PGAP4: variants seen among roughly 807,000 people sequenced by gnomAD.
PGAP4 encodes post-GPI attachment to proteins GalNAc transferase 4, also known as GPI-N-acetylgalactosamine transferase PGAP4.
In PGAP4, 12 loss-of-function variants were observed where a neutral mutation model predicts 28.2. The ratio of observed to expected loss-of-function variants is 0.42; its 90% CI spans 0.27 to 0.69. PGAP4 has a LOEUF of 0.69. Ranked by LOEUF, PGAP4 falls within the 30% of genes least tolerant of loss-of-function variation. PGAP4 has a pLI of 0.22. For synonymous variants in PGAP4, 205 were observed against 211.8 expected (o/e 0.97, Z 0.28); for missense variants, 425 against 513.5 (o/e 0.83, Z 1.67).
intron 2 of PGAP4, among the ~76,000 whole-genome samples, chr9:101,526,098 A>G (rs1255679738): frequency 1.3e-5 from 2 of 152,252 alleles, no homozygotes; most frequent in Non-Finnish European, 2.9e-5. Flanking sequence ...AATACAAAAC[A>G]AGATGTTCAG....
intron 2 of PGAP4, among the ~76,000 whole-genome samples, chr9:101,527,022 C>A (rs1827040915): frequency 6.6e-6 from 1 of 152,182 alleles, no homozygotes; most frequent in African/African-American, 2.4e-5. Context: ...CTACCATCAT[C>A]CTGCAATAAA....
At chr9:101,480,992 C>T (rs983195234) in intron 1 of PGAP4, among the ~76,000 whole-genome samples, 3 of 152,004 alleles carry the variant, frequency 2.0e-5, no homozygotes, top group African/African-American at 7.3e-5. Context: ...GCCTGGGCAA[C>T]ATGGCAAAAC....
chr9:101,520,929 G>A (rs963055591), intron 2 of PGAP4, among the ~76,000 whole-genome samples: 1 of 152,082 alleles, frequency 6.6e-6, no homozygotes, highest in Non-Finnish European at 1.5e-5. Flanking sequence ...GGTCATAAAG[G>A]GATCCTGGAT....
intron 2 of PGAP4, among the ~76,000 whole-genome samples, chr9:101,498,474 G>A (rs546460942): frequency 6.6e-6 from 1 of 151,122 alleles, no homozygotes; most frequent in East Asian, 1.9e-4. Flanking sequence ...TTGTAAAGCC[G>A]TTAATATGGT....
At chr9:101,516,852 CA>C (rs1335099372) in intron 2 of PGAP4, among the ~76,000 whole-genome samples, 2 of 152,260 alleles carry the variant, frequency 1.3e-5, no homozygotes, top group East Asian at 3.9e-4. Context: ...CACTGGGAGA[CA>C]ATGAGGCAAC....
At chr9:101,504,606 T>C (rs1265108373) in intron 2 of PGAP4, among the ~76,000 whole-genome samples, 1 of 151,962 alleles carries the variant, frequency 6.6e-6, no homozygotes, top group African/African-American at 2.4e-5. Context: ...TCTCTTTGGC[T>C]TTTTTGTCCC....
intron 2 of PGAP4, among the ~76,000 whole-genome samples, chr9:101,528,728 C>T (rs754917346): frequency 8.6e-5 from 13 of 151,182 alleles, no homozygotes; most frequent in Non-Finnish European, 1.9e-4. Context: ...CAAACATAGA[C>T]TGTCACATGG....
intron 1 of PGAP4, among the ~76,000 whole-genome samples, chr9:101,479,480 G>C (rs1007877384): frequency 1.3e-5 from 2 of 152,184 alleles, no homozygotes; most frequent in East Asian, 3.9e-4. Context: ...GATATGTCAG[G>C]GGGGAAAGAA....
At chr9:101,499,751 T>C (rs1826781606) in intron 2 of PGAP4, among the ~76,000 whole-genome samples, 1 of 152,064 alleles carries the variant, frequency 6.6e-6, no homozygotes, top group Non-Finnish European at 1.5e-5. Context: ...TTCCGTGGCT[T>C]TATTTGTTGG....
At chr9:101,490,092 C>A (rs1024753011), upstream of PGAP4, among the ~76,000 whole-genome samples, 1 of 152,104 alleles carries the variant, frequency 6.6e-6, no homozygotes, top group African/African-American at 2.4e-5. Context: ...TTGCACATTC[C>A]CCTTTCTGCC....
chr9:101,482,968 C>T (rs1379099695), intron 1 of PGAP4, among the ~76,000 whole-genome samples: 1 of 152,166 alleles, frequency 6.6e-6, no homozygotes, highest in Non-Finnish European at 1.5e-5. Flanking sequence ...GAATTAATCC[C>T]ATTTAGTTGA....
intron 2 of PGAP4, among the ~76,000 whole-genome samples, chr9:101,503,909 G>C (rs1443526350): frequency 6.6e-6 from 1 of 152,004 alleles, no homozygotes; most frequent in Non-Finnish European, 1.5e-5. Context: ...AAAATTTATA[G>C]GAGGCCATTG....
At chr9:101,505,379 G>T (rs1826841335) in intron 2 of PGAP4, among the ~76,000 whole-genome samples, 1 of 152,016 alleles carries the variant, frequency 6.6e-6, no homozygotes, top group African/African-American at 2.4e-5. Flanking sequence ...GCTTCTAAGA[G>T]ATTACAAGAT....
At chr9:101,523,561 G>GTTTT (rs74477694) in intron 2 of PGAP4, among the ~76,000 whole-genome samples, 31 of 127,290 alleles carry the variant, frequency 2.4e-4, no homozygotes, top group Admixed American at 1.4e-3. Flanking sequence ...ATTTTTCATT[G>GTTTT]TTTTTTTTTC....
chr9:101,504,007 A>G (rs1409124509), intron 2 of PGAP4, among the ~76,000 whole-genome samples: 2 of 151,908 alleles, frequency 1.3e-5, no homozygotes, highest in Admixed American at 6.6e-5. Flanking sequence ...CTGAAACTCA[A>G]AGGAAGGAAG....
chr9:101,507,037 G>A (rs1482594397), intron 2 of PGAP4, among the ~76,000 whole-genome samples: 2 of 152,018 alleles, frequency 1.3e-5, no homozygotes, highest in Non-Finnish European at 2.9e-5. Flanking sequence ...ACCTTCCTTA[G>A]CATTCTAGTT....
At chr9:101,531,752 C>T (rs535301145) in intron 1 of PGAP4, among the ~76,000 whole-genome samples, 60 of 152,252 alleles carry the variant, frequency 3.9e-4, no homozygotes, top group African/African-American at 1.0e-3. Context: ...TGAAAAAAAT[C>T]CTGGTTCTGC....
intron 2 of PGAP4, among the ~76,000 whole-genome samples, chr9:101,526,383 T>C (rs1021965324): frequency 6.6e-6 from 1 of 152,250 alleles, no homozygotes; most frequent in Non-Finnish European, 1.5e-5. Context: ...ATTAAAAGTA[T>C]CTTTCTCCCT....
chr9:101,531,193 T>TACACA (rs1276401712), intron 2 of PGAP4: 1 of 120,314 alleles, frequency 8.3e-6, no homozygotes, highest in African/African-American at 3.4e-5. Context: ...CAAATCTCTT[T>TACACA]CTACACACAC....
Sources: gnomAD v4.1 joint callset for allele counts (sites outside exome capture counted in the v4.1 genomes callset) on GRCh38, gnomAD v4.1.1 for gene constraint, MANE v1.5 for transcripts, NCBI Gene and HGNC (gene_info 2026-07-23, HGNC 2026-07-21) for gene names.